Variants in ADGRG2 observed in about 807,000 individuals in gnomAD.
The protein encoded by ADGRG2 is G protein-coupled receptor 64.
A neutral mutation model predicts 74.1 loss-of-function variants in ADGRG2; 26 were observed. The observed-to-expected ratio is 0.35, with a 90% CI of 0.26 to 0.49. The LOEUF is 0.49. Ranked by LOEUF, ADGRG2 falls within the 20% of genes least tolerant of loss-of-function variation. The pLI is 0.99. For synonymous variants in ADGRG2, 296 were observed against 295.2 expected, an observed-to-expected ratio of 1.00 and a Z score of -0.03; for missense variants, 619 against 763.1, an observed-to-expected ratio of 0.81 and a Z score of 2.22.
At chrX:19,033,739 T>C in intron 7 of ADGRG2, 85 bp from the exon 8 acceptor site, 1 of 468,236 alleles carries the variant, frequency 2.1e-6, no homozygotes, top group East Asian at 3.7e-5. Context: ...TTTAGTGAAG[T>C]GCTAAAAAAA....
At chrX:19,007,049 C>T (rs1237128097) in intron 20 of ADGRG2, among the ~76,000 whole-genome samples, 186 bp downstream of exon 20, 2 of 111,512 alleles carry the variant, frequency 1.8e-5, no homozygotes, top group Non-Finnish European at 3.8e-5. Context: ...AACCACTGCA[C>T]CTGCCCTGGT....
At chrX:19,068,988 T>A (rs1294161849) in intron 2 of ADGRG2, among the ~76,000 whole-genome samples, 153 bp from the exon 3 acceptor site, 1 of 111,956 alleles carries the variant, frequency 8.9e-6, no homozygotes, top group Non-Finnish European at 1.9e-5. Context: ...AGTTGGGCAC[T>A]GGTGACAACA....
At chrX:19,094,215 G>A (rs1425338541) in intron 1 of ADGRG2, among the ~76,000 whole-genome samples, 5 of 111,148 alleles carry the variant, frequency 4.5e-5, no homozygotes, top group African/African-American at 1.3e-4. Context: ...ATAGAAAGCA[G>A]GGAGGGTGAG....
chrX:19,120,850 C>A (rs991697785), intron 1 of ADGRG2, among the ~76,000 whole-genome samples: 3 of 112,183 alleles, frequency 2.7e-5, no homozygotes, highest in South Asian at 3.7e-4. Context: ...TGAAGGAAAT[C>A]AAATCATTTT....
chrX:19,074,540 T>TTTCTTTC (rs1181065356), intron 2 of ADGRG2, among the ~76,000 whole-genome samples: 8 of 71,626 alleles, frequency 1.1e-4, no homozygotes, highest in Middle Eastern at 8.1e-3. Context: ...CCCAGCGCAT[T>TTTCTTTC]TTCTTTCTTC....
Position 19,009,689 on chromosome X carries a change from G to A in ADGRG2, c.1359C>T (p.Ile453=). 8.3e-7 allele frequency: 1 copy of A among 1,207,289 alleles called. No homozygotes were observed. The highest frequency in any genetic ancestry group is 1.1e-6 in the Non-Finnish European group (1 of 891,181). ...LTSPSLALAV[I]RVNASSFNTT... Reference sequence around the variant, plus strand: ...TGTTGAAACTACTGGCATTCACTCTGATCACAGCCAGAGCCAAAGAAGGGG... The same window carrying A: ...TGTTGAAACTACTGGCATTCACTCTAATCACAGCCAGAGCCAAAGAAGGGG... Residue 453 remains isoleucine (I), a synonymous_variant, in exon 18 of 29, where the codon ATC becomes ATT. Transcript: ENST00000379869.
chrX:19,043,709 C>G (rs1290464872), intron 3 of ADGRG2, among the ~76,000 whole-genome samples: 1 of 109,416 alleles, frequency 9.1e-6, no homozygotes, highest in Non-Finnish European at 1.9e-5. Flanking sequence ...ACTGGAAACT[C>G]AAGAAACTGG....
chrX:19,096,945 C>T (rs1231957378), intron 1 of ADGRG2, among the ~76,000 whole-genome samples: 1 of 112,475 alleles, frequency 8.9e-6, no homozygotes, highest in Non-Finnish European at 1.9e-5. Flanking sequence ...TTAACTGCTT[C>T]CGGGCACCAG....
At chrX:19,108,625 GA>G (rs2062358618) in intron 1 of ADGRG2, among the ~76,000 whole-genome samples, 2 of 112,008 alleles carry the variant, frequency 1.8e-5, no homozygotes. Flanking sequence ...CAACGATATG[GA>G]GGAAATTCAC....
chrX:19,026,940 T>G (rs1285126285), intron 11 of ADGRG2, among the ~76,000 whole-genome samples: 1 of 112,200 alleles, frequency 8.9e-6, no homozygotes, highest in Non-Finnish European at 1.9e-5. Context: ...GAGTCCCACC[T>G]TGGACTCCTC....
At chrX:19,011,801 C>T (rs1389700680) in intron 16 of ADGRG2, among the ~76,000 whole-genome samples, 2 of 112,014 alleles carry the variant, frequency 1.8e-5, no homozygotes, top group Non-Finnish European at 3.8e-5. Context: ...GCCGAAATTG[C>T]GCCACTGCAC....
At chrX:19,061,666 G>A (rs774341277) in intron 3 of ADGRG2, among the ~76,000 whole-genome samples, 2 of 112,355 alleles carry the variant, frequency 1.8e-5, no homozygotes, top group Non-Finnish European at 3.8e-5. Context: ...ATATAGGAAA[G>A]AGATCCTTAA....
intron 3 of ADGRG2, among the ~76,000 whole-genome samples, chrX:19,053,358 AG>A (rs935656994): frequency 1.8e-5 from 2 of 110,265 alleles, no homozygotes; most frequent in Non-Finnish European, 3.8e-5. Flanking sequence ...TGCGGGGCGG[AG>A]GGGGGGTCAC....
intron 1 of ADGRG2, among the ~76,000 whole-genome samples, chrX:19,088,670 A>G (rs759894027): frequency 2.8e-4 from 31 of 110,209 alleles, no homozygotes; most frequent in Non-Finnish European, 4.7e-4. Context: ...GGGTTTCACT[A>G]TGTTGCCCAG....
At chrX:19,120,326 C>T (rs2062589838) in intron 1 of ADGRG2, among the ~76,000 whole-genome samples, 1 of 111,996 alleles carries the variant, frequency 8.9e-6, no homozygotes, top group South Asian at 3.7e-4. Flanking sequence ...TAGAGACTCC[C>T]CAATCCTTTG....
chrX:19,116,875 T>C (rs1484694363), intron 1 of ADGRG2, among the ~76,000 whole-genome samples: 1 of 112,120 alleles, frequency 8.9e-6, no homozygotes, highest in Non-Finnish European at 1.9e-5. Context: ...TGATCATCAG[T>C]TTAAAATGAA....
Position 19,003,454 on chromosome X carries a change from C to A in ADGRG2, c.1962-340G>T, listed in dbSNP as rs1184277671. Among the ~76,000 whole-genome samples the A allele has an allele frequency of 9.8e-5, 11 of 112,017 alleles. 1 individual carries two copies. The Admixed American group carries it at 1.0e-3, about 11-fold the overall frequency. On this transcript the variant is annotated intron_variant, in intron 23 of 28. Coordinates refer to ENST00000379869, the MANE Select transcript of ADGRG2 (RefSeq NM_001079858.3). Reference sequence around the variant, plus strand: ...TACAGGCATGAGTTACCACACCTAGCACCAACCCTTATGTAAGCATATCTG... The same window carrying A: ...TACAGGCATGAGTTACCACACCTAGAACCAACCCTTATGTAAGCATATCTG...
intron 25 of ADGRG2, 117 bp from the exon 26 acceptor site, chrX:18,999,396 G>GA (rs200996698): frequency 5.8e-5 from 35 of 601,322 alleles, no homozygotes; most frequent in African/African-American, 9.1e-5. Context: ...CAGTACAAGA[G>GA]AAAAAAAATG....
At position 19,030,556 on chromosome X, in the gene ADGRG2, C is replaced by T. The variant is rs768642825; in HGVS notation, c.358+428G>A. On this transcript the variant is annotated intron_variant, in intron 9 of 28. Transcript: ENST00000379869. ...GTTTTCAACATTCAACAGGCTGATC[C>T]GCTTTATTCTTAGCAAGACGTTATC... Among the ~76,000 whole-genome samples the T allele has an allele frequency of 9.8e-5, 11 of 111,987 alleles. No individual in the cohort carries two copies. In the South Asian group the frequency reaches 2.2e-3, roughly 23 times the overall value.
Sources: gnomAD v4.1 joint callset for allele counts (sites outside exome capture counted in the v4.1 genomes callset) on GRCh38, gnomAD v4.1.1 for gene constraint, MANE v1.5 for transcripts, NCBI Gene and HGNC (gene_info 2026-07-23, HGNC 2026-07-21) for gene names.